ALB: variants seen among roughly 807,000 people sequenced by gnomAD.
The protein encoded by ALB is serum albumin.
Under a neutral mutation model 74.5 loss-of-function variants are expected in ALB, and 37 were observed. The ratio of observed to expected loss-of-function variants is 0.50; its 90% CI spans 0.38 to 0.65. The LOEUF is 0.65. ALB is among the 30% of genes least tolerant of loss of function. The pLI is 0.00. For missense variants in ALB, 685 were observed against 718.7 expected (o/e 0.95, Z 0.54); for synonymous variants, 249 against 251.6 (o/e 0.99, Z 0.10).
At chr4:73,419,715 T>A in intron 13 of ALB, 76 bp downstream of exon 13, 1 of 1,548,278 alleles carries the variant, frequency 6.5e-7, no homozygotes, top group South Asian at 1.1e-5. Flanking sequence ...CTTAGGGATT[T>A]ATATATCAAA....
At chr4:73,419,296 A>G (rs1226418701) in intron 12 of ALB, 1 of 573,474 alleles carries the variant, frequency 1.7e-6, no homozygotes, top group Non-Finnish European at 3.1e-6. Flanking sequence ...CTTCCCACCA[A>G]CTCCATGAAA....
chr4:73,410,521 T>G lies in ALB; in HGVS notation c.713+112T>G, dbSNP rs571002394. The G allele has an allele frequency of 3.4e-5, 27 of 786,604 alleles. No homozygotes were observed. In the South Asian group the frequency reaches 3.7e-4, roughly 11 times the overall value. The allele number at this position is 786,604 out of a possible 1,614,324, so 48.7% of individuals were successfully genotyped here. A position where few individuals can be genotyped will look rare whatever the true frequency, so the allele number is the denominator to read the frequency against. On this transcript the variant is annotated intron_variant, in intron 6 of 14. Transcript: ENST00000295897. ...GCAAAGTGCTGTCAAATACATTTCT[T>G]TGGTTGTCTAACAGGTAGAACTCTA...
chr4:73,404,635 G>T (rs886317196), intron 1 of ALB, among the ~76,000 whole-genome samples: 1 of 150,642 alleles, frequency 6.6e-6, no homozygotes, highest in Admixed American at 6.6e-5. Context: ...TTTCTTTTGC[G>T]CACTAAGGAA....
intron 9 of ALB, chr4:73,415,472 A>C: frequency 3.2e-6 from 1 of 315,664 alleles, no homozygotes; most frequent in Non-Finnish European, 6.0e-6. Context: ...GAAGATATTT[A>C]ACTTAGATGT....
Position 73,417,284 on chromosome 4 carries a change from A to T in ALB, c.1290-247A>T, listed in dbSNP as rs56017687. ...AGAAATTAATAAATTTATTAATGTCACTGAATTAGGCAACTCACTTTCCCA... is the reference window on the plus strand; with the variant it reads ...AGAAATTAATAAATTTATTAATGTCTCTGAATTAGGCAACTCACTTTCCCA... On this transcript the variant is annotated intron_variant, in intron 10 of 14. Transcript: ENST00000295897. Among the ~76,000 whole-genome samples the T allele has an allele frequency of 3.4e-3, 522 of 152,330 alleles. 4 individuals carry two copies. The highest frequency in any genetic ancestry group is 6.7e-3 in the Admixed American group (103 of 15,294).
rs1577943513 is a variant in ALB at position 73,421,154 on chromosome 4, T to G, written c.*86T>G. ...AAGCTTATTCATCTGTTTTTCTTTT[T>G]CGTTGGTGTAAAGCCAACACCCTGT... On this transcript the variant is annotated 3_prime_UTR_variant, in exon 15 of 15. Transcript: ENST00000295897. 10 of 694,126 alleles carry G rather than the reference T, an allele frequency of 1.4e-5. No homozygotes were observed. Among genetic ancestry groups the G allele is most frequent in the Non-Finnish European group, 2.4e-5 (9 of 382,170 alleles). 43.0% of individuals were successfully genotyped at this position (694,126 alleles called of 1,614,324 possible).
chr4:73,410,426 A>G lies in ALB; in HGVS notation c.713+17A>G. 6.5e-7 allele frequency: 1 copy of G among 1,529,364 alleles called. No homozygotes were observed. The highest frequency in any genetic ancestry group is 9.1e-7 in the Non-Finnish European group (1 of 1,102,860). 94.7% of individuals were successfully genotyped at this position (1,529,364 alleles called of 1,614,324 possible). A position where few individuals can be genotyped will look rare whatever the true frequency, so the allele number is the denominator to read the frequency against. On this transcript the variant is annotated intron_variant, in intron 6 of 14. Coordinates refer to ENST00000295897, the MANE Select transcript of ALB (RefSeq NM_000477.7). The stretch of plus-strand genomic sequence containing the variant: ...CAAAGCATGGTAAATACTTTTAAAC[A>G]TAGTTGGCATCTTTATAACGATGTA...
At chr4:73,419,338 G>A (rs1252501453) in intron 12 of ALB, 169 bp from the exon 13 acceptor site, 3 of 682,222 alleles carry the variant, frequency 4.4e-6, no homozygotes, top group Non-Finnish European at 7.2e-6. Flanking sequence ...ATGCAGATGA[G>A]AATATTGAGA....
chr4:73,413,877 T>C (rs1331503254), intron 8 of ALB, among the ~76,000 whole-genome samples: 1 of 152,242 alleles, frequency 6.6e-6, no homozygotes, highest in Admixed American at 6.5e-5. Context: ...TTTCTGAAAA[T>C]ACGTCTAGAA....
chr4:73,404,461 AAAGTTTTAGT>A (rs1291543917), intron 1 of ALB, 55 bp downstream of exon 1: 3 of 1,442,692 alleles, frequency 2.1e-6, no homozygotes, highest in Non-Finnish European at 2.9e-6. Context: ...CCAGTAAAAT[AAAGTTTTAGT>A]AAACTCTGCA....
intron 12 of ALB, 131 bp from the exon 13 acceptor site, chr4:73,419,376 G>C: frequency 1.0e-6 from 1 of 976,218 alleles, no homozygotes; most frequent in Admixed American, 2.6e-5. Context: ...GAGCCCCAAA[G>C]TACTCAGAGT....
chr4:73,420,796 A>G (rs1240519738), intron 14 of ALB: 1 of 328,022 alleles, frequency 3.0e-6, no homozygotes, highest in South Asian at 6.4e-5. Context: ...ATTGGAGAAT[A>G]TGATGGATCT....
intron 9 of ALB, 112 bp downstream of exon 9, chr4:73,415,279 T>A (rs1718985837): frequency 6.9e-6 from 9 of 1,313,496 alleles, no homozygotes; most frequent in South Asian, 6.2e-5. Flanking sequence ...AGATCTTTTC[T>A]TGAGATGGTT....
At position 73,417,618 on chromosome 4, in the gene ALB, C is replaced by A. The variant is rs1577941380; in HGVS notation, c.1377C>A (p.Ser459Arg). The A allele has an allele frequency of 6.2e-7, 1 of 1,613,710 alleles. No homozygotes were observed. The highest frequency in any genetic ancestry group is 8.5e-7 in the Non-Finnish European group (1 of 1,179,834). ...EVSRNLGKVGSKCCKHPEAKR... is the reference protein window; with the variant it reads ...EVSRNLGKVGRKCCKHPEAKR... Reference sequence around the variant, plus strand: ...CAAGAAACCTAGGAAAAGTGGGCAGCAAATGTTGTAAACATCCTGAAGCAA... The same window carrying A: ...CAAGAAACCTAGGAAAAGTGGGCAGAAAATGTTGTAAACATCCTGAAGCAA... The change falls in exon 11 of 15, where the codon AGC becomes AGA. Residue 459 changes from serine (S) to arginine (R), a missense_variant. Ser to Arg is a moderately radical substitution (Grantham distance 110). Transcript: ENST00000295897.
Position 73,415,075 on chromosome 4 carries a change from G to C in ALB, c.1099G>C (p.Val367Leu). ...TGCAAGAAGGCATCCTGATTACTCT[G>C]TCGTGCTGCTGCTGAGACTTGCCAA... ...EYARRHPDYS[V>L]VLLLRLAKTY... Residue 367 changes from valine (V) to leucine (L), a missense_variant, in exon 9 of 15, where the codon GTC (valine) becomes CTC (leucine). Physicochemically the swap from Val to Leu is conservative, Grantham distance 32. Coordinates refer to ENST00000295897, the MANE Select transcript of ALB (RefSeq NM_000477.7). 6.2e-7 allele frequency: 1 copy of C among 1,614,122 alleles called. No homozygotes were observed.
chr4:73,419,009 A>G (rs1349475117), intron 12 of ALB, among the ~76,000 whole-genome samples: 1 of 152,076 alleles, frequency 6.6e-6, no homozygotes, highest in Non-Finnish European at 1.5e-5. Context: ...CCTCCCCACT[A>G]TTAGCTTTGA....
At chr4:73,409,597 T>A in intron 5 of ALB, 110 bp downstream of exon 5, 1 of 1,321,048 alleles carries the variant, frequency 7.6e-7, no homozygotes, top group Non-Finnish European at 1.1e-6. Context: ...TCCGACATGG[T>A]CAAAAAAGCC....
intron 10 of ALB, among the ~76,000 whole-genome samples, chr4:73,417,261 A>T (rs1719035118): frequency 6.6e-6 from 1 of 152,220 alleles, no homozygotes; most frequent in Non-Finnish European, 1.5e-5. Context: ...TTGAAAGAAG[A>T]AATTAATAAA....
Position 73,408,723 on chromosome 4 carries a change from C to A in ALB, c.400C>A (p.Pro134Thr). ...ECFLQHKDDN[P>T]NLPRLVRPEV... ...CTTCTTGCAACACAAAGATGACAAC[C>A]CAAACCTCCCCCGATTGGTGAGACC... Residue 134 changes from proline (P) to threonine (T), a missense_variant, in exon 4 of 15, where the codon CCA becomes ACA. By Grantham distance (38) the Pro-to-Thr change is conservative. Coordinates refer to ENST00000295897, the MANE Select transcript of ALB (RefSeq NM_000477.7). 6.2e-7 allele frequency: 1 copy of A among 1,613,988 alleles called. No homozygotes were observed. Among genetic ancestry groups the A allele is most frequent in the South Asian group, 1.1e-5 (1 of 91,076 alleles).
Sources: gnomAD v4.1 joint callset for allele counts (sites outside exome capture counted in the v4.1 genomes callset) on GRCh38, gnomAD v4.1.1 for gene constraint, MANE v1.5 for transcripts, NCBI Gene and HGNC (gene_info 2026-07-23, HGNC 2026-07-21) for gene names.